The following EOGT variants were observed in gnomAD, a reference collection of about 807,000 sequenced individuals.
EOGT encodes EGF domain-specific O-linked N-acetylglucosamine transferase.
EOGT carries 55 observed loss-of-function variants against 70.5 expected under a neutral mutation model. The ratio of observed to expected loss-of-function variants is 0.78; its 90% CI spans 0.63 to 0.98. EOGT has a LOEUF of 0.98. EOGT is among the 50% of genes least tolerant of loss of function. The pLI is 0.00. For synonymous variants in EOGT, 246 were observed against 217.1 expected (o/e 1.13, Z -1.17); for missense variants, 703 against 641.9 (o/e 1.10, Z -1.03).
intron 8 of EOGT, among the ~76,000 whole-genome samples, chr3:69,002,240 G>A (rs2091315550): frequency 6.6e-6 from 1 of 152,142 alleles, no homozygotes; most frequent in East Asian, 1.9e-4. Context: ...TACAGCCCTG[G>A]CCAACTCAGC....
intron 15 of EOGT, among the ~76,000 whole-genome samples, chr3:68,981,284 C>G (rs756862342): frequency 6.6e-6 from 1 of 152,210 alleles, no homozygotes; most frequent in African/African-American, 2.4e-5. Context: ...TAATGGGATT[C>G]CTACTGCTGA....
chr3:68,995,692 C>CCATCTGATAAATTTCTGT (rs895353500), intron 10 of EOGT, among the ~76,000 whole-genome samples: 6 of 152,192 alleles, frequency 3.9e-5, no homozygotes, highest in African/African-American at 1.4e-4. Context: ...CTTCTGGAAG[C>CCATCTGATAAATTTCTGT]CATCTGATAA....
Position 69,007,713 on chromosome 3 carries a change from C to A in EOGT, c.420G>T (p.Thr140=), listed in dbSNP as rs748425624. Reference sequence around the variant, plus strand: ...ATTTAGTAAGGAGCAAAATACCCACCGTTTCCTTAGGCTGACAGAGCACAT... The same window carrying A: ...ATTTAGTAAGGAGCAAAATACCCACAGTTTCCTTAGGCTGACAGAGCACAT... ...EMHVLCQPKE[T]SDSSLVCSRY... The change falls in exon 6 of 18, where the codon ACG becomes ACT. Residue 140 remains threonine, a splice_region_variant and synonymous_variant. Coordinates refer to ENST00000383701, the MANE Select transcript of EOGT (RefSeq NM_001278689.2). 7.0e-6 allele frequency: 11 copies of A among 1,581,730 alleles called. 1 individual carries two copies. In the South Asian group the frequency reaches 8.0e-5, roughly 12 times the overall value.
intron 6 of EOGT, 53 bp from the exon 7 acceptor site, chr3:69,005,287 C>A: frequency 1.0e-6 from 1 of 985,978 alleles, no homozygotes; most frequent in South Asian, 1.4e-5. Context: ...ACAGCAAAGA[C>A]TCATCCGGAC....
chr3:68,992,468 T>G (rs560725752), intron 10 of EOGT, among the ~76,000 whole-genome samples: 2 of 152,308 alleles, frequency 1.3e-5, no homozygotes, highest in South Asian at 4.1e-4. Context: ...CACTGAAGCA[T>G]GAAGTGGGTT....
chr3:68,979,176 T>G (rs1010283241), intron 16 of EOGT, among the ~76,000 whole-genome samples: 4 of 152,190 alleles, frequency 2.6e-5, no homozygotes. Flanking sequence ...GGGAAGGTCA[T>G]GTCTCCATAA....
At chr3:68,998,849 A>G (rs2091225256) in intron 9 of EOGT, among the ~76,000 whole-genome samples, 1 of 56,460 alleles carries the variant, frequency 1.8e-5, no homozygotes, top group Admixed American at 2.4e-4. Flanking sequence ...AAAAAAAAAA[A>G]AACCAGAAAA....
chr3:69,011,756 G>A (rs2091584726), intron 3 of EOGT, among the ~76,000 whole-genome samples, 180 bp downstream of exon 3: 1 of 152,070 alleles, frequency 6.6e-6, no homozygotes, highest in Admixed American at 6.5e-5. Flanking sequence ...GTTAAGTATT[G>A]TGGTTTTTCA....
intron 4 of EOGT, among the ~76,000 whole-genome samples, chr3:69,009,397 A>G (rs1166942393): frequency 6.6e-6 from 1 of 152,202 alleles, no homozygotes; most frequent in Non-Finnish European, 1.5e-5. Context: ...AGAGTTTACA[A>G]ATAGTATTGG....
chr3:68,996,659 C>T (rs936507929), intron 10 of EOGT, among the ~76,000 whole-genome samples: 12 of 152,192 alleles, frequency 7.9e-5, no homozygotes, highest in African/African-American at 2.7e-4. Context: ...ATCTTGTCTC[C>T]TTGCACCTGA....
At position 68,986,814 on chromosome 3, in the gene EOGT, C is replaced by T. The variant is rs373658247; in HGVS notation, c.1152+631G>A. On this transcript the variant is annotated intron_variant, in intron 14 of 17. Transcript: ENST00000383701. ...GCTCCATGAGGTCAGGCACCTTCCC[C>T]GTCTTTGCTCTACTCTATCTCCAGG... Among the ~76,000 whole-genome samples, 42 of 152,334 alleles carry T rather than the reference C, an allele frequency of 2.8e-4. 1 individual carries two copies. In the East Asian group the frequency reaches 7.5e-3, roughly 27 times the overall value.
chr3:68,981,847 C>CGTTTG (rs1559587110), intron 15 of EOGT, among the ~76,000 whole-genome samples: 5 of 151,796 alleles, frequency 3.3e-5, no homozygotes, highest in East Asian at 1.9e-4. Context: ...TGTTATCAAA[C>CGTTTG]ATTTGATAAT....
rs1411014016 is a variant in EOGT at position 69,012,680 on chromosome 3, G to A, written c.-236C>T. The stretch of plus-strand genomic sequence containing the variant: ...TGTCGGTCGTCCTGCAAGGCCCGCC[G>A]GGATGGGTGGCTGCACTCCTCCAGC... On this transcript the variant is annotated 5_prime_UTR_variant, in exon 2 of 18. Transcript: ENST00000383701. The A allele has an allele frequency of 6.6e-6, 1 of 152,470 alleles. No homozygotes were observed. Among genetic ancestry groups the A allele is most frequent in the Non-Finnish European group, 1.5e-5 (1 of 68,220 alleles). The allele number at this position is 152,470 out of a possible 1,614,324, so 9.4% of individuals were successfully genotyped here.
In EOGT at chr3:69,002,444, T is replaced by C. The variant is rs145512031; in HGVS notation, c.621-730A>G. 4.4e-3 allele frequency among the ~76,000 whole-genome samples: 669 copies of C among 152,248 alleles called. 5 individuals are homozygous for C. Among genetic ancestry groups the C allele is most frequent in the African/African-American group, 0.015 (631 of 41,528 alleles). Reference sequence around the variant, plus strand: ...ACAATTATGCCCTGAGCAACTACCATGTGGAATCAAATATCAGAAAGTACC... The same window carrying C: ...ACAATTATGCCCTGAGCAACTACCACGTGGAATCAAATATCAGAAAGTACC... On this transcript the variant is annotated intron_variant, in intron 8 of 17. Coordinates refer to ENST00000383701, the MANE Select transcript of EOGT (RefSeq NM_001278689.2).
Position 68,988,929 on chromosome 3 carries a change from T to C in EOGT, c.920A>G (p.Lys307Arg), listed in dbSNP as rs1239152989. The C allele has an allele frequency of 6.6e-7, 1 of 1,509,490 alleles. No individual in the cohort carries two copies. Among genetic ancestry groups the C allele is most frequent in the African/African-American group, 1.4e-5 (1 of 72,282 alleles). 93.5% of individuals were successfully genotyped at this position (1,509,490 alleles called of 1,614,324 possible). A position where few individuals can be genotyped will look rare whatever the true frequency, so the allele number is the denominator to read the frequency against. The change falls in exon 11 of 18, where the codon AAA becomes AGA. Residue 307 changes from lysine (K) to arginine (R), a missense_variant. Lys to Arg is a conservative substitution (Grantham distance 26, BLOSUM62 2). Transcript: ENST00000383701. ...TTTCAGGAAAATTTCCAGTACCCTT[T>C]TGGAATCATAAGTTTTCAAATGTAT... ...DVIHLKTYDS[K>R]RVCFKEAVFS...
rs371704826 is a variant in EOGT at position 68,977,455 on chromosome 3, A to G, written c.*163T>C. The G allele has an allele frequency of 1.5e-6, 1 of 653,466 alleles. No homozygotes were observed. 40.5% of individuals were successfully genotyped at this position (653,466 alleles called of 1,614,324 possible). A position where few individuals can be genotyped will look rare whatever the true frequency, so the allele number is the denominator to read the frequency against. ...AGCAATGACACAAAAACCACATGAA[A>G]CACTTAACATCTATACAACACATAA... On this transcript the variant is annotated 3_prime_UTR_variant, in exon 18 of 18. Coordinates refer to ENST00000383701, the MANE Select transcript of EOGT (RefSeq NM_001278689.2).
chr3:68,993,854 C>G (rs1161396832), intron 10 of EOGT, among the ~76,000 whole-genome samples: 2 of 152,096 alleles, frequency 1.3e-5, no homozygotes, highest in Admixed American at 6.6e-5. Context: ...AAAGTGGAAA[C>G]CCTAGATAAA....
At chr3:69,011,020 G>A (rs1421336123) in intron 3 of EOGT, among the ~76,000 whole-genome samples, 1 of 152,082 alleles carries the variant, frequency 6.6e-6, no homozygotes, top group Non-Finnish European at 1.5e-5. Context: ...CTCAAAGACT[G>A]TGCCCTTAAG....
chr3:69,010,330 G>T (rs1262841432), intron 3 of EOGT, among the ~76,000 whole-genome samples: 4 of 152,218 alleles, frequency 2.6e-5, no homozygotes, highest in Non-Finnish European at 5.9e-5. Flanking sequence ...TAAAAGAATG[G>T]ATGAGGCTGT....
Sources: allele counts gnomAD v4.1 joint callset (sites outside exome capture counted in the v4.1 genomes callset), GRCh38; gene constraint gnomAD v4.1.1; transcripts MANE v1.5; gene names NCBI Gene and HGNC (gene_info 2026-07-23, HGNC 2026-07-21).